PRDM15: variants seen among roughly 807,000 people sequenced by gnomAD.
The protein encoded by PRDM15 is PR domain zinc finger protein 15.
A neutral mutation model predicts 128.6 loss-of-function variants in PRDM15; 64 were observed. The ratio of observed to expected loss-of-function variants is 0.50; its 90% CI spans 0.41 to 0.61. The LOEUF (loss-of-function observed/expected upper bound fraction) is 0.61. Among genes scored for constraint, PRDM15 ranks in the 20% least tolerant of loss-of-function variants. The probability of loss-of-function intolerance (pLI) is 0.00; values close to 1 mark genes in which losing one functional copy is unlikely to be tolerated. For missense variants in PRDM15, 1,242 were observed against 1,569.1 expected (o/e 0.79, Z 3.52); for synonymous variants, 615 against 621.8 (o/e 0.99, Z 0.16).
chr21:41,824,144 G>A (rs1568928905), intron 13 of PRDM15, among the ~76,000 whole-genome samples: 1 of 151,912 alleles, frequency 6.6e-6, no homozygotes, highest in African/African-American at 2.4e-5. Flanking sequence ...AATCCGGGGT[G>A]TGACCTCCTA....
chr21:41,801,666 T>C lies in PRDM15; in HGVS notation c.3000A>G (p.Leu1000=), dbSNP rs2236696. ...NVTTPSSSVG[L]TNITVTPITT... ...TGATGGGGGTCACGGTGATGTTGGT[T>C]AAGCCGACTGAGCTCGATGGTGTGG... Residue 1000 remains leucine, a synonymous_variant, in exon 24 of 24, where the codon TTA becomes TTG. Transcript: ENST00000398548. 0.74 allele frequency: 1,188,896 copies of C among 1,613,874 alleles called. 440,136 individuals carry two copies. The highest frequency in any genetic ancestry group is 0.92 in the African/African-American group (69,217 of 74,970).
chr21:41,851,400 G>A (rs1347172813), intron 5 of PRDM15, among the ~76,000 whole-genome samples: 1 of 152,240 alleles, frequency 6.6e-6, no homozygotes, highest in Non-Finnish European at 1.5e-5. Flanking sequence ...TGGGTGAGGT[G>A]CTCGACACAC....
rs1036983533 is a variant in PRDM15, at chr21:41,809,128, G to A, written c.2652+1026C>T. Among the ~76,000 whole-genome samples, 10 of 152,108 alleles carry A rather than the reference G, an allele frequency of 6.6e-5. 1 individual carries two copies. Among genetic ancestry groups the A allele is most frequent in the South Asian group, 2.1e-4 (1 of 4,826 alleles). On this transcript the variant is annotated intron_variant, in intron 21 of 23. Coordinates refer to ENST00000398548, the MANE Select transcript of PRDM15 (RefSeq NM_001040424.3). ...TTCTTCCCGCATGAGCTCCCTCTCCGTGTACACCCTGAGTGCGCTTCGCGT... is the reference window on the plus strand; with the variant it reads ...TTCTTCCCGCATGAGCTCCCTCTCCATGTACACCCTGAGTGCGCTTCGCGT...
Position 41,810,129 on chromosome 21 carries a change from G to A in PRDM15, c.2652+25C>T, listed in dbSNP as rs1038723402. 14 of 1,589,550 alleles carry A rather than the reference G, an allele frequency of 8.8e-6. No individual in the cohort carries two copies. The East Asian group carries it at 1.3e-4, about 15-fold the overall frequency. ...GGTGCGCGGCCCGCTGGCGGGGCAC[G>A]GAGGGGGCACAGCCACCAGCTCACC... On this transcript the variant is annotated intron_variant, in intron 21 of 23. Coordinates refer to ENST00000398548, the MANE Select transcript of PRDM15 (RefSeq NM_001040424.3). The surrounding 1 kb of genome is among the most constrained non-coding windows in gnomAD (Gnocchi z 6.4).
At chr21:41,802,263 C>T (rs540601733) in intron 23 of PRDM15, among the ~76,000 whole-genome samples, 25 of 152,286 alleles carry the variant, frequency 1.6e-4, no homozygotes, top group Non-Finnish European at 3.5e-4. Flanking sequence ...GCAAAAGTGA[C>T]GAAGGCTGAG....
At chr21:41,826,104 C>G in intron 12 of PRDM15, 50 bp from the exon 13 acceptor site, 1 of 1,447,298 alleles carries the variant, frequency 6.9e-7, no homozygotes, top group Non-Finnish European at 9.7e-7. Context: ...ATAGAACACG[C>G]GAAGGTCCAT....
chr21:41,861,792 T>G (rs376873897), intron 1 of PRDM15: 3 of 1,600,980 alleles, frequency 1.9e-6, no homozygotes, highest in Admixed American at 1.7e-5. Context: ...GTTAGGAGAG[T>G]GAGTTAGCTA....
chr21:41,878,596 G>T, intron 1 of PRDM15: 1 of 632,710 alleles, frequency 1.6e-6, no homozygotes, highest in Non-Finnish European at 2.4e-6. Flanking sequence ...ACCCACCCCG[G>T]GTAGGCACGC....
intron 21 of PRDM15, among the ~76,000 whole-genome samples, chr21:41,809,127 C>T (rs1005354502): frequency 1.1e-4 from 16 of 152,236 alleles, no homozygotes; most frequent in African/African-American, 2.7e-4. Context: ...GCTCCCTCTC[C>T]GTGTACACCC....
At chr21:41,851,475 C>T (rs541564259) in intron 5 of PRDM15, among the ~76,000 whole-genome samples, 78 of 152,280 alleles carry the variant, frequency 5.1e-4, no homozygotes, top group Non-Finnish European at 8.7e-4. Flanking sequence ...CACTGTGCCT[C>T]GAGAGGGACC....
In PRDM15 at chr21:41,804,898, C is replaced by T. The variant is rs115593311; in HGVS notation, c.2653-284G>A. Among the ~76,000 whole-genome samples the T allele has an allele frequency of 6.6e-3, 1,007 of 152,252 alleles. 10 individuals are homozygous for T. The highest frequency in any genetic ancestry group is 0.023 in the African/African-American group (946 of 41,544). On this transcript the variant is annotated intron_variant, in intron 21 of 23. Transcript: ENST00000398548. ...GGGAGACTATGTCCTCCCTTTTTGGCCCCCCACCAAAGGGGTGAGGTTTCA... is the reference window on the plus strand; with the variant it reads ...GGGAGACTATGTCCTCCCTTTTTGGTCCCCCACCAAAGGGGTGAGGTTTCA...
At position 41,800,214 on chromosome 21, in the gene PRDM15, A is replaced by G. The variant is rs1426797991; in HGVS notation, c.*1026T>C. The G allele has an allele frequency of 6.6e-6, 1 of 152,214 alleles. No homozygotes were observed. Among genetic ancestry groups the G allele is most frequent in the Non-Finnish European group, 1.5e-5 (1 of 68,042 alleles). The allele number at this position is 152,214 out of a possible 1,614,324, so 9.4% of individuals were successfully genotyped here. ...GAATTGAAGTTTAAACAGAAGGAAA[A>G]TATGACTTTTCCCCCGTTTCTTCCA... On this transcript the variant is annotated 3_prime_UTR_variant, in exon 24 of 24. Transcript: ENST00000398548.
intron 21 of PRDM15, among the ~76,000 whole-genome samples, chr21:41,809,269 G>A (rs1334692443): frequency 7.3e-6 from 1 of 136,488 alleles, no homozygotes; most frequent in Non-Finnish European, 1.5e-5. Context: ...ATCTCGTTCT[G>A]TCACCCAGGC....
intron 1 of PRDM15, among the ~76,000 whole-genome samples, chr21:41,863,046 G>A (rs561930502): frequency 6.6e-6 from 1 of 152,138 alleles, no homozygotes; most frequent in South Asian, 2.1e-4. Context: ...GCACGTGCCT[G>A]TAATCCCAGC....
chr21:41,856,198 T>C (rs1601413953), intron 4 of PRDM15, among the ~76,000 whole-genome samples: 1 of 19,700 alleles, frequency 5.1e-5, no homozygotes, highest in African/African-American at 2.7e-4. Context: ...CCTCCCTCCC[T>C]TCCTTTCCTT....
At chr21:41,872,287 A>T (rs966468880) in intron 1 of PRDM15, among the ~76,000 whole-genome samples, 5 of 152,078 alleles carry the variant, frequency 3.3e-5, no homozygotes, top group African/African-American at 1.2e-4. Context: ...TCATTTCTCA[A>T]ACTTGGATCT....
At chr21:41,846,204 G>T (rs970494415) in intron 6 of PRDM15, among the ~76,000 whole-genome samples, 1 of 152,174 alleles carries the variant, frequency 6.6e-6, no homozygotes, top group East Asian at 1.9e-4. Flanking sequence ...CACATGTGAC[G>T]AATGCCACAA....
intron 1 of PRDM15, among the ~76,000 whole-genome samples, chr21:41,874,525 A>ATATATATATATATATATTTTTTTT: frequency 3.1e-5 from 3 of 95,828 alleles, no homozygotes; most frequent in Non-Finnish European, 4.0e-5. Context: ...ATATATATAT[A>ATATATATATATATATATTTTTTTT]TTTTTTTTTT....
chr21:41,805,416 G>A (rs1451385188), intron 21 of PRDM15, among the ~76,000 whole-genome samples: 1 of 152,138 alleles, frequency 6.6e-6, no homozygotes, highest in African/African-American at 2.4e-5. Flanking sequence ...ATCAACTAAA[G>A]GAAGTTAAAA....
Sources: allele counts gnomAD v4.1 joint callset (sites outside exome capture counted in the v4.1 genomes callset), GRCh38; gene constraint gnomAD v4.1.1; non-coding constraint Gnocchi (gnomAD v3.1); transcripts MANE v1.5; gene names NCBI Gene and HGNC (gene_info 2026-07-23, HGNC 2026-07-21).